TCF4: variants seen among roughly 807,000 people sequenced by gnomAD.
The protein encoded by TCF4 is transcription factor 4, also known as SL3-3 enhancer factor 2.
Under a neutral mutation model 82.1 loss-of-function variants are expected in TCF4, and 3 were observed. The observed-to-expected ratio is 0.04, with a 90% CI of 0.02 to 0.09. The LOEUF (loss-of-function observed/expected upper bound fraction) is 0.09. TCF4 is among the 10% of genes least tolerant of loss of function. TCF4 has a pLI of 1.00. For missense variants in TCF4, 518 were observed against 852.7 expected (o/e 0.61, Z 4.89); for synonymous variants, 276 against 309.6 (o/e 0.89, Z 1.14).
intron 8 of TCF4, among the ~76,000 whole-genome samples, chr18:55,325,930 AACG>A (rs1425134529): frequency 6.6e-6 from 1 of 152,196 alleles, no homozygotes; most frequent in Non-Finnish European, 1.5e-5. Context: ...TTGCTAATAA[AACG>A]ACACTTAATA....
At chr18:55,469,986 G>A (rs2096136852) in intron 3 of TCF4, among the ~76,000 whole-genome samples, 1 of 152,142 alleles carries the variant, frequency 6.6e-6, no homozygotes, top group African/African-American at 2.4e-5. Context: ...GGAACCCAGG[G>A]AAGAAGAAAA....
exon 1 of TCF4, chr18:55,635,850 A>T (rs2097735881): frequency 6.4e-7 from 1 of 1,566,368 alleles, no homozygotes; most frequent in African/African-American, 1.4e-5. Flanking sequence ...AGATGAAGGG[A>T]AAGAGGAGAG....
rs374756797 is a variant in TCF4, at chr18:55,622,411, G to A, written c.286+8887C>T. Among the ~76,000 whole-genome samples, 6 of 150,718 alleles carry A rather than the reference G, an allele frequency of 4.0e-5. No homozygotes were observed. In the East Asian group the frequency reaches 5.9e-4, roughly 15 times the overall value. On this transcript the variant is annotated intron_variant, in intron 2 of 20. Coordinates refer to the TCF4 transcript ENST00000398339. ...GGTCCCAGCTACTCGGGAGGCTGAC[G>A]CAGGAGAGTCGCTTGAACCCGAGGC...
intron 11 of TCF4, chr18:55,268,305 C>G (rs1171450200): frequency 2.0e-5 from 3 of 152,138 alleles, no homozygotes; most frequent in Admixed American, 2.0e-4. Flanking sequence ...AACCAGACCT[C>G]ATGACTGCAG....
intron 8 of TCF4, among the ~76,000 whole-genome samples, chr18:55,340,950 T>C (rs566917228): frequency 2.0e-5 from 3 of 152,318 alleles, no homozygotes; most frequent in Non-Finnish European, 2.9e-5. Flanking sequence ...CTAACCACTA[T>C]ATTATACTGT....
chr18:55,436,643 G>A (rs891205465), intron 5 of TCF4, among the ~76,000 whole-genome samples: 8 of 152,264 alleles, frequency 5.3e-5, no homozygotes, highest in South Asian at 2.1e-4. Flanking sequence ...AATGTTAGCC[G>A]GGGACCTCAT....
At position 55,228,241 on chromosome 18, in the gene TCF4, T is replaced by C. The variant is rs1555707461; in HGVS notation, c.2000A>G (p.His667Arg). Residue 667 changes from histidine to arginine, a missense_variant, in exon 19 of 20, where the codon CAC (histidine) becomes CGC (arginine). By Grantham distance (29) the His-to-Arg change is conservative (BLOSUM62 0). Coordinates refer to ENST00000354452, the MANE Select transcript of TCF4 (RefSeq NM_001083962.2). ...PHPGMGDASNHMGQM is the reference protein window; with the variant it reads ...PHPGMGDASNRMGQM ...CTTGCCCTTTTACATCTGTCCCATG[T>C]GATTCGATGCGTCTCCCATTCCAGG... 6.2e-7 allele frequency: 1 copy of C among 1,614,200 alleles called. No homozygotes were observed. The highest frequency in any genetic ancestry group is 8.5e-7 in the Non-Finnish European group (1 of 1,180,026).
intron 8 of TCF4, among the ~76,000 whole-genome samples, chr18:55,303,759 T>C (rs942347733): frequency 6.6e-6 from 1 of 152,090 alleles, no homozygotes; most frequent in Admixed American, 6.5e-5. Context: ...AGAAGACCCT[T>C]TGGCTGAGGG....
At chr18:55,585,736 C>T (rs1400710312) in intron 2 of TCF4, 14 of 1,087,558 alleles carry the variant, frequency 1.3e-5, no homozygotes, top group Non-Finnish European at 1.6e-5. Flanking sequence ...TGGCCATAAA[C>T]GTGGCAATGT....
intron 5 of TCF4, among the ~76,000 whole-genome samples, chr18:55,435,699 G>C (rs1035557417): frequency 1.3e-5 from 2 of 152,150 alleles, no homozygotes; most frequent in Admixed American, 6.5e-5. Context: ...CTTTAGATCT[G>C]GCTGCCATGA....
intron 10 of TCF4, among the ~76,000 whole-genome samples, chr18:55,271,189 C>T (rs1225487886): frequency 6.6e-6 from 1 of 152,112 alleles, no homozygotes; most frequent in Non-Finnish European, 1.5e-5. Flanking sequence ...TCCAACTCTT[C>T]CACCATCTCT....
chr18:55,266,338 G>A (rs1184478843), intron 11 of TCF4: 1 of 152,170 alleles, frequency 6.6e-6, no homozygotes, highest in Non-Finnish European at 1.5e-5. Context: ...CTGCTTCTGA[G>A]AATACCCAGT....
At chr18:55,555,922 T>C (rs1292890135) in intron 3 of TCF4, among the ~76,000 whole-genome samples, 1 of 152,206 alleles carries the variant, frequency 6.6e-6, no homozygotes, top group Non-Finnish European at 1.5e-5. Context: ...TCAATGATAT[T>C]TCTCTTTAGA....
At chr18:55,618,674 T>C (rs982638036) in intron 2 of TCF4, among the ~76,000 whole-genome samples, 2 of 152,070 alleles carry the variant, frequency 1.3e-5, no homozygotes, top group Non-Finnish European at 2.9e-5. Context: ...CTTGACCTCC[T>C]AGGCTGAAGT....
upstream of TCF4, among the ~76,000 whole-genome samples, chr18:55,590,766 A>G (rs563352635): frequency 4.6e-5 from 7 of 152,360 alleles, no homozygotes; most frequent in Admixed American, 2.0e-4. Context: ...TGTTTACTAT[A>G]TGCTAAACAG....
At chr18:55,346,508 G>C (rs189936511) in intron 8 of TCF4, among the ~76,000 whole-genome samples, 23 of 152,242 alleles carry the variant, frequency 1.5e-4, no homozygotes. Context: ...GAGAAGTACA[G>C]CTTTAGGAAA....
upstream of TCF4, among the ~76,000 whole-genome samples, chr18:55,590,077 C>T (rs1462277448): frequency 6.6e-6 from 1 of 152,186 alleles, no homozygotes; most frequent in Non-Finnish European, 1.5e-5. Flanking sequence ...GCTTCTTGGC[C>T]GTCCTTGCTC....
intron 8 of TCF4, among the ~76,000 whole-genome samples, chr18:55,298,482 A>G (rs1394145905): frequency 1.3e-5 from 2 of 152,168 alleles, no homozygotes; most frequent in Non-Finnish European, 2.9e-5. Flanking sequence ...TGAGCCCCCA[A>G]TACTATATAT....
intron 3 of TCF4, among the ~76,000 whole-genome samples, chr18:55,516,666 G>C (rs2096885138): frequency 6.6e-6 from 1 of 152,134 alleles, no homozygotes; most frequent in Non-Finnish European, 1.5e-5. Context: ...AGTGAAGAGA[G>C]AGATGAAGGA....
Sources: allele counts gnomAD v4.1 joint callset (sites outside exome capture counted in the v4.1 genomes callset), GRCh38; gene constraint gnomAD v4.1.1; transcripts MANE v1.5; gene names NCBI Gene and HGNC (gene_info 2026-07-23, HGNC 2026-07-21).